RASA2: variants seen among roughly 807,000 people sequenced by gnomAD.
RASA2 encodes the protein RAS p21 protein activator 2.
Under a neutral mutation model 118.2 loss-of-function variants are expected in RASA2, and 155 were observed. The ratio of observed to expected loss-of-function variants is 1.31; its 90% CI spans 1.15 to 1.50. RASA2 has a LOEUF of 1.50. Among genes scored for constraint, RASA2 ranks in the 40% most tolerant of loss-of-function variants. The pLI is 0.00. For missense variants in RASA2, 1,016 were observed against 1,009.6 expected, an observed-to-expected ratio of 1.01 and a Z score of -0.09; for synonymous variants, 353 against 349.1, an observed-to-expected ratio of 1.01 and a Z score of -0.12.
chr3:141,491,686 A>G (rs1209246597), intron 1 of RASA2, among the ~76,000 whole-genome samples: 2 of 152,214 alleles, frequency 1.3e-5, no homozygotes, highest in African/African-American at 4.8e-5. Context: ...AGTGCCCACT[A>G]AGCTTAGGTT....
intron 1 of RASA2, among the ~76,000 whole-genome samples, chr3:141,506,941 A>G (rs1278105712): frequency 1.3e-5 from 2 of 151,988 alleles, no homozygotes; most frequent in Non-Finnish European, 2.9e-5. Flanking sequence ...AAGAAAAAGA[A>G]AAAAGAATTT....
Position 141,571,442 on chromosome 3 carries a change from A to C in RASA2, c.1057A>C (p.Ile353Leu). The change falls in exon 11 of 24, where the codon ATA (isoleucine) becomes CTA (leucine). Residue 353 changes from isoleucine to leucine, a missense_variant. Transcript: ENST00000286364. ...SASAAYILSE[I>L]CRDKNDAVLP... ...CTCAGCTGCTTACATTTTGAGTGAAATATGTCGAGATAAAAATGATGCTGT... is the reference window on the plus strand; with the variant it reads ...CTCAGCTGCTTACATTTTGAGTGAACTATGTCGAGATAAAAATGATGCTGT... 1.2e-6 allele frequency: 2 copies of C among 1,613,774 alleles called. No individual in the cohort carries two copies. Among genetic ancestry groups the C allele is most frequent in the African/African-American group, 2.7e-5 (2 of 75,026 alleles).
chr3:141,526,527 A>T (rs2082187375), intron 3 of RASA2, among the ~76,000 whole-genome samples: 1 of 151,568 alleles, frequency 6.6e-6, no homozygotes, highest in African/African-American at 2.4e-5. Context: ...TTTATATGTT[A>T]TATTGCCTAA....
chr3:141,581,695 C>T (rs1349436119), intron 17 of RASA2, among the ~76,000 whole-genome samples: 1 of 151,768 alleles, frequency 6.6e-6, no homozygotes, highest in Non-Finnish European at 1.5e-5. Flanking sequence ...CACTTAATTG[C>T]CATAGTAAAA....
At chr3:141,576,061 G>C (rs2083006446) in intron 14 of RASA2, among the ~76,000 whole-genome samples, 1 of 152,182 alleles carries the variant, frequency 6.6e-6, no homozygotes, top group African/African-American at 2.4e-5. Flanking sequence ...ACGGGCGTGG[G>C]CCACCGCGCC....
chr3:141,604,787 A>G (rs114595240), intron 19 of RASA2, among the ~76,000 whole-genome samples: 18,808 of 150,206 alleles, frequency 0.13, 1,739 homozygotes, highest in East Asian at 0.23. Flanking sequence ...GGATGGCATT[A>G]GGAAATATAC....
chr3:141,544,777 A>T (rs1005826608), intron 5 of RASA2, among the ~76,000 whole-genome samples: 2 of 152,240 alleles, frequency 1.3e-5, no homozygotes, highest in Non-Finnish European at 2.9e-5. Context: ...AAGAAAATGC[A>T]GTACATACAT....
At chr3:141,571,146 A>G in intron 10 of RASA2, 78 bp downstream of exon 10, 1 of 1,413,878 alleles carries the variant, frequency 7.1e-7, no homozygotes. Context: ...AAAAGATTTC[A>G]AGAGTATCAA....
chr3:141,553,451 ATATATACT>A (rs1369328232), intron 5 of RASA2, among the ~76,000 whole-genome samples: 3 of 151,508 alleles, frequency 2.0e-5, no homozygotes, highest in Admixed American at 2.0e-4. Flanking sequence ...TATTTGCATT[ATATATACT>A]TGCCCATTAA....
intron 2 of RASA2, 42 bp downstream of exon 2, chr3:141,512,322 G>C (rs893863041): frequency 2.3e-6 from 3 of 1,307,998 alleles, no homozygotes; most frequent in Non-Finnish European, 2.1e-6. Context: ...TTACTATATA[G>C]ATTGGTAAAT....
chr3:141,524,916 A>G (rs775676251), intron 3 of RASA2, among the ~76,000 whole-genome samples: 28 of 151,956 alleles, frequency 1.8e-4, no homozygotes, highest in Non-Finnish European at 3.8e-4. Flanking sequence ...CTCCTCTTTT[A>G]GCCATTTCTG....
chr3:141,563,237 CCT>C (rs921691184), intron 9 of RASA2, among the ~76,000 whole-genome samples: 15 of 152,096 alleles, frequency 9.9e-5, no homozygotes, highest in Admixed American at 3.3e-4. Context: ...CTCTTTATTC[CCT>C]GTTTCTTTTT....
At chr3:141,553,793 A>C in intron 5 of RASA2, 64 bp from the exon 6 acceptor site, 1 of 1,566,328 alleles carries the variant, frequency 6.4e-7, no homozygotes, top group Non-Finnish European at 8.6e-7. Flanking sequence ...TTTGTGTTTA[A>C]AGATAATGTT....
intron 1 of RASA2, among the ~76,000 whole-genome samples, chr3:141,496,078 A>C (rs2081697695): frequency 6.6e-6 from 1 of 152,188 alleles, no homozygotes; most frequent in Non-Finnish European, 1.5e-5. Context: ...TGGTGGATAA[A>C]GGGAGTTAGC....
chr3:141,544,917 A>G (rs1286897000), intron 5 of RASA2, among the ~76,000 whole-genome samples: 1 of 152,196 alleles, frequency 6.6e-6, no homozygotes, highest in African/African-American at 2.4e-5. Context: ...GCACGTGCTC[A>G]CTTATAGTGG....
At position 141,613,385 on chromosome 3, in the gene RASA2, C is replaced by T. The variant is rs1423745408; in HGVS notation, c.*1072C>T. ...TATTTCATTGCTGTTTCCTTATTGCCTGCTAGCCAAATGGAATTTGGGCAA... is the reference window on the plus strand; with the variant it reads ...TATTTCATTGCTGTTTCCTTATTGCTTGCTAGCCAAATGGAATTTGGGCAA... On this transcript the variant is annotated 3_prime_UTR_variant, in exon 24 of 24. Coordinates refer to ENST00000286364, the MANE Select transcript of RASA2 (RefSeq NM_006506.5). 1.3e-5 allele frequency: 2 copies of T among 152,262 alleles called. No homozygotes were observed. The highest frequency in any genetic ancestry group is 1.9e-4 in the East Asian group (1 of 5,182). 9.4% of individuals were successfully genotyped at this position (152,262 alleles called of 1,614,324 possible).
At chr3:141,609,643 A>G in intron 22 of RASA2, 120 bp downstream of exon 22, 1 of 898,990 alleles carries the variant, frequency 1.1e-6, no homozygotes, top group Non-Finnish European at 1.6e-6. Flanking sequence ...TTATTTATTG[A>G]AAGTTGACAA....
intron 16 of RASA2, among the ~76,000 whole-genome samples, chr3:141,580,703 G>C (rs1371201162): frequency 2.6e-5 from 4 of 152,018 alleles, no homozygotes; most frequent in Non-Finnish European, 1.5e-5. Flanking sequence ...GATGACTTGA[G>C]GCCAGGAGTT....
intron 3 of RASA2, among the ~76,000 whole-genome samples, chr3:141,521,811 G>T (rs2082115195): frequency 6.6e-6 from 1 of 151,318 alleles, no homozygotes; most frequent in African/African-American, 2.4e-5. Flanking sequence ...ACCCTTTAAG[G>T]TTGGAAGTGG....
Sources: gnomAD v4.1 joint callset for allele counts (sites outside exome capture counted in the v4.1 genomes callset) on GRCh38, gnomAD v4.1.1 for gene constraint, MANE v1.5 for transcripts, NCBI Gene and HGNC (gene_info 2026-07-23, HGNC 2026-07-21) for gene names.